The following PCBP3 variants were observed in gnomAD, a reference collection of about 807,000 sequenced individuals.
PCBP3 encodes the protein poly(rC) binding protein 3, also known as poly(rC)-binding protein 3.
In PCBP3, 25 loss-of-function variants were observed where a neutral mutation model predicts 52.7. The ratio of observed to expected loss-of-function variants is 0.47; its 90% CI spans 0.35 to 0.66. PCBP3 has a LOEUF of 0.66. Among genes scored for constraint, PCBP3 ranks in the 30% least tolerant of loss-of-function variants. The probability of loss-of-function intolerance (pLI) is 0.01; values close to 1 mark genes in which losing one functional copy is unlikely to be tolerated. For synonymous variants in PCBP3, 162 were observed against 183.0 expected, an observed-to-expected ratio of 0.89 and a Z score of 0.93; for missense variants, 391 against 490.3, an observed-to-expected ratio of 0.80 and a Z score of 1.91.
Position 45,911,042 on chromosome 21 carries a change from G to T in PCBP3, c.600+12G>T. The stretch of plus-strand genomic sequence containing the variant: ...TGGTCATGCTGGAGGTACCGTCTGC[G>T]CGCCAGGGCCAGCCCACGTCAGTGC... On this transcript the variant is annotated intron_variant, in intron 11 of 17. Transcript: ENST00000681687. 6.2e-7 allele frequency: 1 copy of T among 1,607,490 alleles called. No individual in the cohort carries two copies.
In PCBP3 at chr21:45,740,667, A is replaced by G. The variant is rs149219826; in HGVS notation, c.-162+5238A>G. Among the ~76,000 whole-genome samples, 768 of 151,538 alleles carry G rather than the reference A, an allele frequency of 5.1e-3. 16 individuals carry two copies. Among genetic ancestry groups the G allele is most frequent in the South Asian group, 0.046 (219 of 4,784 alleles). ...TGTGTGTGCATGTGTATTTACCCACACAGGTCTGTGTGTACACATGCGTGT... is the reference window on the plus strand; with the variant it reads ...TGTGTGTGCATGTGTATTTACCCACGCAGGTCTGTGTGTACACATGCGTGT... On this transcript the variant is annotated intron_variant, in intron 3 of 17. Coordinates refer to ENST00000681687, the MANE Select transcript of PCBP3 (RefSeq NM_001384156.1).
chr21:45,810,526 A>C (rs1961030145), intron 4 of PCBP3, among the ~76,000 whole-genome samples: 1 of 152,050 alleles, frequency 6.6e-6, no homozygotes, highest in African/African-American at 2.4e-5. Context: ...GGTCTCCCAA[A>C]GTGCTGGGAT....
At chr21:45,756,921 G>A (rs948911965) in intron 4 of PCBP3, among the ~76,000 whole-genome samples, 11 of 152,054 alleles carry the variant, frequency 7.2e-5, no homozygotes, top group Non-Finnish European at 1.6e-4. Flanking sequence ...TATTTAGTTC[G>A]TTTACACTTT....
At chr21:45,727,894 A>C (rs1300034474) in intron 2 of PCBP3, among the ~76,000 whole-genome samples, 1 of 152,242 alleles carries the variant, frequency 6.6e-6, no homozygotes, top group Non-Finnish European at 1.5e-5. Context: ...CTGTGTGCAG[A>C]CTATTTCTGG....
chr21:45,753,267 C>G (rs1317714635), intron 3 of PCBP3, among the ~76,000 whole-genome samples: 5 of 150,320 alleles, frequency 3.3e-5, no homozygotes. Flanking sequence ...CATTTCTGCT[C>G]TTAGGTCTAC....
rs117318611 is a variant in PCBP3 at position 45,800,431 on chromosome 21, T to C, written c.-126+44979T>C. On this transcript the variant is annotated intron_variant, in intron 4 of 17. Coordinates refer to ENST00000681687, the MANE Select transcript of PCBP3 (RefSeq NM_001384156.1). The surrounding 1 kb of genome is among the most constrained non-coding windows in gnomAD (Gnocchi z 5.3). ...AACCTGAGGGTAAATGGAGAGGCTC[T>C]TTACCAGCACTGAACTCTGAGCCCA... Among the ~76,000 whole-genome samples, 213 of 152,308 alleles carry C rather than the reference T, an allele frequency of 1.4e-3. No individual in the cohort carries two copies. The highest frequency in any genetic ancestry group is 1.9e-3 in the Non-Finnish European group (127 of 68,024).
In PCBP3 at chr21:45,911,046, C is replaced by T. The variant is rs780828729; in HGVS notation, c.600+16C>T. On this transcript the variant is annotated intron_variant, in intron 11 of 17. Coordinates refer to ENST00000681687, the MANE Select transcript of PCBP3 (RefSeq NM_001384156.1). ...CATGCTGGAGGTACCGTCTGCGCGC[C>T]AGGGCCAGCCCACGTCAGTGCTGGA... 3.1e-6 allele frequency: 5 copies of T among 1,606,608 alleles called. No individual in the cohort carries two copies. In the African/African-American group the frequency reaches 4.0e-5, roughly 13 times the overall value.
intron 5 of PCBP3, among the ~76,000 whole-genome samples, chr21:45,883,183 C>G (rs2148813193): frequency 6.6e-6 from 1 of 152,256 alleles, no homozygotes; most frequent in South Asian, 2.1e-4. Flanking sequence ...TGTTTCATTT[C>G]CAAGTGCTTG....
intron 2 of PCBP3, among the ~76,000 whole-genome samples, chr21:45,729,122 T>C (rs1436763992): frequency 2.6e-5 from 4 of 152,224 alleles, no homozygotes; most frequent in Admixed American, 6.5e-5. Context: ...TTTTTGTCTC[T>C]ATGGACTTGC....
intron 4 of PCBP3, among the ~76,000 whole-genome samples, chr21:45,770,338 C>T (rs972228070): frequency 6.6e-6 from 1 of 152,096 alleles, no homozygotes; most frequent in African/African-American, 2.4e-5. Flanking sequence ...TTTAGACTAT[C>T]GTTTTACAAT....
chr21:45,865,660 T>C (rs2094691918), intron 5 of PCBP3, among the ~76,000 whole-genome samples: 1 of 152,174 alleles, frequency 6.6e-6, no homozygotes, highest in South Asian at 2.1e-4. Flanking sequence ...AAAGGGCTGC[T>C]CGGTGGAGCT....
chr21:45,928,643 G>A lies in PCBP3; in HGVS notation c.718-1274G>A, dbSNP rs756398473. 3.3e-5 allele frequency among the ~76,000 whole-genome samples: 5 copies of A among 152,148 alleles called. No homozygotes were observed. Among genetic ancestry groups the A allele is most frequent in the Non-Finnish European group, 7.4e-5 (5 of 68,016 alleles). ...GGGTCTGGTCAGGTGCTCAGCAGCCGGCCTTCTCACGTGCAGATGGCAGCT... is the reference window on the plus strand; with the variant it reads ...GGGTCTGGTCAGGTGCTCAGCAGCCAGCCTTCTCACGTGCAGATGGCAGCT... On this transcript the variant is annotated intron_variant, in intron 13 of 17. Coordinates refer to ENST00000681687, the MANE Select transcript of PCBP3 (RefSeq NM_001384156.1). This position sits in a 1 kb window ranked among gnomAD's most constrained non-coding sequence, Gnocchi z 4.1.
chr21:45,760,308 C>G (rs1184931995), intron 4 of PCBP3: 1 of 152,230 alleles, frequency 6.6e-6, no homozygotes, highest in Non-Finnish European at 1.5e-5. Flanking sequence ...TCCTGAGCAC[C>G]TGGAATACAG....
Position 45,805,127 on chromosome 21 carries a change from A to G in PCBP3, c.-125-44834A>G, listed in dbSNP as rs186647474. Among the ~76,000 whole-genome samples, 6 of 152,272 alleles carry G rather than the reference A, an allele frequency of 3.9e-5. No homozygotes were observed. In the East Asian group the frequency reaches 1.2e-3, roughly 29 times the overall value. On this transcript the variant is annotated intron_variant, in intron 4 of 17. Coordinates refer to ENST00000681687, the MANE Select transcript of PCBP3 (RefSeq NM_001384156.1). This position sits in a 1 kb window ranked among gnomAD's most constrained non-coding sequence, Gnocchi z 4.6. ...GGCCTGTGCCACTCTGGGCATCGTC[A>G]TCTTGGGCCATGGCTACCACATATG...
At chr21:45,934,986 G>T (rs1406688858) in intron 15 of PCBP3, among the ~76,000 whole-genome samples, 5 of 152,216 alleles carry the variant, frequency 3.3e-5, no homozygotes, top group African/African-American at 9.6e-5. Context: ...GGGGAGTGAA[G>T]TCACGCTGTG....
chr21:45,834,057 C>T (rs889736468), intron 4 of PCBP3, among the ~76,000 whole-genome samples: 1 of 152,144 alleles, frequency 6.6e-6, no homozygotes, highest in African/African-American at 2.4e-5. Context: ...TGAGCCAGGA[C>T]ATGTCCTGGG....
At chr21:45,851,523 A>G (rs1003942389) in intron 5 of PCBP3, among the ~76,000 whole-genome samples, 1 of 152,176 alleles carries the variant, frequency 6.6e-6, no homozygotes, top group African/African-American at 2.4e-5. Context: ...AAAAAGAAAG[A>G]AAGTGAAGGG....
intron 5 of PCBP3, among the ~76,000 whole-genome samples, chr21:45,886,734 C>T (rs1006118293): frequency 2.0e-5 from 3 of 152,170 alleles, no homozygotes; most frequent in Non-Finnish European, 4.4e-5. Context: ...CAGAAACCTC[C>T]CTGCTCAGAG....
intron 3 of PCBP3, among the ~76,000 whole-genome samples, chr21:45,753,500 C>T (rs1177140005): frequency 6.6e-6 from 1 of 152,044 alleles, no homozygotes; most frequent in Admixed American, 6.6e-5. Flanking sequence ...TCCTCCCTGA[C>T]AATCTTTGCC....
Sources: allele counts gnomAD v4.1 joint callset (sites outside exome capture counted in the v4.1 genomes callset), GRCh38; gene constraint gnomAD v4.1.1; non-coding constraint Gnocchi (gnomAD v3.1); transcripts MANE v1.5; gene names NCBI Gene and HGNC (gene_info 2026-07-23, HGNC 2026-07-21).